Variants in RIN2 observed in about 807,000 individuals in gnomAD.
RIN2 encodes Ras and Rab interactor 2.
RIN2 carries 36 observed loss-of-function variants against 78.0 expected under a neutral mutation model. That is an observed-to-expected ratio of 0.46 (90% CI 0.35 to 0.61). RIN2 has a LOEUF of 0.61. Ranked by LOEUF, RIN2 falls within the 20% of genes least tolerant of loss-of-function variation. The probability of loss-of-function intolerance (pLI) is 0.00; values close to 1 mark genes in which losing one functional copy is unlikely to be tolerated. For missense variants in RIN2, 1,087 were observed against 1,159.7 expected (o/e 0.94, Z 0.91); for synonymous variants, 466 against 466.8 (o/e 1.00, Z 0.02).
intron 9 of RIN2, among the ~76,000 whole-genome samples, chr20:19,977,217 T>G (rs2042306332): frequency 6.6e-6 from 1 of 152,150 alleles, no homozygotes; most frequent in African/African-American, 2.4e-5. Flanking sequence ...AGGCAGGGGC[T>G]GATGTCAGGC....
intron 2 of RIN2, among the ~76,000 whole-genome samples, chr20:19,821,432 C>T (rs565099348): frequency 1.3e-4 from 20 of 152,194 alleles, no homozygotes; most frequent in South Asian, 4.1e-4. Context: ...CTTGGCCATC[C>T]ACAATGTCAC....
At chr20:19,796,243 A>G (rs910018209) in intron 1 of RIN2, among the ~76,000 whole-genome samples, 1 of 152,330 alleles carries the variant, frequency 6.6e-6, no homozygotes, top group East Asian at 1.9e-4. Flanking sequence ...GGGCCTCTAT[A>G]TGGACTTATT....
chr20:19,837,382 C>T (rs1344775861), intron 2 of RIN2, among the ~76,000 whole-genome samples: 4 of 152,206 alleles, frequency 2.6e-5, no homozygotes, highest in African/African-American at 9.6e-5. Flanking sequence ...GAGAAATCCA[C>T]AGGGAAGCAT....
chr20:19,821,545 C>G (rs1042039148), intron 2 of RIN2, among the ~76,000 whole-genome samples: 2 of 152,128 alleles, frequency 1.3e-5, no homozygotes, highest in South Asian at 2.1e-4. Context: ...CCTGTCCAGC[C>G]CCACTTCCCC....
At chr20:19,924,297 C>T (rs866380405) in intron 3 of RIN2, among the ~76,000 whole-genome samples, 1 of 24,726 alleles carries the variant, frequency 4.0e-5, no homozygotes, top group Non-Finnish European at 6.4e-5. Flanking sequence ...TACCCCACCT[C>T]CATACTCCAC....
At chr20:19,984,643 T>G (rs1266240121) in intron 9 of RIN2, among the ~76,000 whole-genome samples, 1 of 152,108 alleles carries the variant, frequency 6.6e-6, no homozygotes, top group African/African-American at 2.4e-5. Flanking sequence ...GGTGCATGCA[T>G]GTAATCCCAG....
At chr20:19,820,698 C>A (rs2122893380) in intron 2 of RIN2, among the ~76,000 whole-genome samples, 1 of 152,244 alleles carries the variant, frequency 6.6e-6, no homozygotes, top group African/African-American at 2.4e-5. Flanking sequence ...CTGTGGTTAG[C>A]TGGGGTTCTC....
At chr20:19,833,134 TGTGGCCCCTGACAAC>T (rs1479608635) in intron 2 of RIN2, among the ~76,000 whole-genome samples, 1 of 152,206 alleles carries the variant, frequency 6.6e-6, no homozygotes, top group Non-Finnish European at 1.5e-5. Context: ...TGCTTCCCTG[TGTGGCCCCTGACAAC>T]GTGGCAAGCC....
chr20:19,786,396 A>G (rs1203676450), intron 1 of RIN2, among the ~76,000 whole-genome samples: 2 of 152,210 alleles, frequency 1.3e-5, no homozygotes, highest in Non-Finnish European at 2.9e-5. Context: ...AACAGATCAC[A>G]TGACAAAGCC....
intron 9 of RIN2, among the ~76,000 whole-genome samples, chr20:19,982,922 A>G (rs886475543): frequency 3.7e-4 from 56 of 152,346 alleles, no homozygotes; most frequent in African/African-American, 1.3e-3. Flanking sequence ...GCTCCCCAGC[A>G]GGGCTGAGAT....
chr20:19,850,497 C>A (rs1357773562), intron 2 of RIN2, among the ~76,000 whole-genome samples: 2 of 152,212 alleles, frequency 1.3e-5, no homozygotes, highest in African/African-American at 4.8e-5. Context: ...TGTCTTCTTA[C>A]CTTCTGTTTG....
rs1491093860 is a variant in RIN2, at chr20:19,837,169, A to ACAC, written c.-37+37422_-37+37423insCAC. 1.6e-3 allele frequency among the ~76,000 whole-genome samples: 223 copies of ACAC among 140,200 alleles called. 3 individuals are homozygous for ACAC. Among genetic ancestry groups the ACAC allele is most frequent in the Middle Eastern group, 0.011 (3 of 272 alleles). 92.0% of individuals were successfully genotyped at this position (140,200 alleles called of 152,430 possible). A position where few individuals can be genotyped will look rare whatever the true frequency, so the allele number is the denominator to read the frequency against. ...CTGAACATCACACACCGCCCCCCCC[A>ACAC]ACACACACACACACACACACACACA... On this transcript the variant is annotated intron_variant, in intron 2 of 12. Coordinates refer to ENST00000255006, the MANE Select transcript of RIN2 (RefSeq NM_018993.4).
In RIN2 at chr20:19,875,090, A is replaced by G. The variant is rs930626014; in HGVS notation, c.-36-14476A>G. Among the ~76,000 whole-genome samples, 54 of 151,130 alleles carry G rather than the reference A, an allele frequency of 3.6e-4. 1 individual carries two copies. The highest frequency in any genetic ancestry group is 7.4e-5 in the Non-Finnish European group (5 of 67,978). On this transcript the variant is annotated intron_variant, in intron 2 of 12. Coordinates refer to ENST00000255006, the MANE Select transcript of RIN2 (RefSeq NM_018993.4). ...TGTCCAGGCTGGTCTCCAACTCCTG[A>G]CTTCAAGTGATCCACCCACCTCGGT...
intron 2 of RIN2, among the ~76,000 whole-genome samples, chr20:19,842,296 C>G (rs373646951): frequency 1.1e-4 from 16 of 150,228 alleles, no homozygotes; most frequent in African/African-American, 3.9e-4. Context: ...GATCTTGGCT[C>G]ACTGCAACCT....
Position 19,926,818 on chromosome 20 carries a change from A to G in RIN2, c.58-8281A>G, listed in dbSNP as rs565882736. Among the ~76,000 whole-genome samples, 4 of 152,324 alleles carry G rather than the reference A, an allele frequency of 2.6e-5. No individual in the cohort carries two copies. The South Asian group carries it at 8.3e-4, about 32-fold the overall frequency. The stretch of plus-strand genomic sequence containing the variant: ...ACCACTGATAACATTCCTGAATGAG[A>G]CTTGGAATTTGAAGAGCGCTGTATC... On this transcript the variant is annotated intron_variant, in intron 3 of 12. Coordinates refer to ENST00000255006, the MANE Select transcript of RIN2 (RefSeq NM_018993.4).
chr20:19,860,410 C>T (rs2037297856), intron 2 of RIN2, among the ~76,000 whole-genome samples: 2 of 152,086 alleles, frequency 1.3e-5, no homozygotes, highest in Non-Finnish European at 2.9e-5. Flanking sequence ...CTGCAACCTC[C>T]ACCTCCTCAA....
intron 2 of RIN2, among the ~76,000 whole-genome samples, chr20:19,835,025 A>G (rs964066452): frequency 5.9e-5 from 9 of 152,104 alleles, no homozygotes; most frequent in Middle Eastern, 3.4e-3. Context: ...AGAGAGAGAG[A>G]AAAAAGAGAA....
intron 4 of RIN2, among the ~76,000 whole-genome samples, chr20:19,948,198 A>G (rs2041173763): frequency 6.6e-6 from 1 of 152,208 alleles, no homozygotes. Context: ...GACACACGGA[A>G]GGGAGCCAGA....
chr20:19,965,910 C>T (rs2041923911), intron 7 of RIN2, among the ~76,000 whole-genome samples: 1 of 152,204 alleles, frequency 6.6e-6, no homozygotes, highest in African/African-American at 2.4e-5. Context: ...CCACGCCCCG[C>T]CCAGAATCAG....
Sources: gnomAD v4.1 joint callset for allele counts (sites outside exome capture counted in the v4.1 genomes callset) on GRCh38, gnomAD v4.1.1 for gene constraint, MANE v1.5 for transcripts, NCBI Gene and HGNC (gene_info 2026-07-23, HGNC 2026-07-21) for gene names.